The following TEX261 variants were observed in gnomAD, a reference collection of about 807,000 sequenced individuals.
TEX261 encodes the protein protein TEX261.
In TEX261, 13 loss-of-function variants were observed where a neutral mutation model predicts 25.1. The ratio of observed to expected loss-of-function variants is 0.52; its 90% CI spans 0.34 to 0.82. The LOEUF is 0.82. Ranked by LOEUF, TEX261 falls within the 40% of genes least tolerant of loss-of-function variation. TEX261 has a pLI of 0.02. For synonymous variants in TEX261, 92 were observed against 97.8 expected, an observed-to-expected ratio of 0.94 and a Z score of 0.35; for missense variants, 206 against 243.2, an observed-to-expected ratio of 0.85 and a Z score of 1.02.
rs11556871 is a variant in TEX261, at chr2:70,987,895, G to A, written c.*705C>T. 0.18 allele frequency: 27,377 copies of A among 152,462 alleles called. 2,605 individuals carry two copies. The highest frequency in any genetic ancestry group is 0.22 in the Middle Eastern group (65 of 294). 9.4% of individuals were successfully genotyped at this position (152,462 alleles called of 1,614,324 possible). On this transcript the variant is annotated 3_prime_UTR_variant, in exon 6 of 6. Coordinates refer to ENST00000272438, the MANE Select transcript of TEX261 (RefSeq NM_144582.3). ...GCCTTGGGGAAAGAGATGGAAGAGAGTGCATCAGAGAGGCTGCCTATAGCC... is the reference window on the plus strand; with the variant it reads ...GCCTTGGGGAAAGAGATGGAAGAGAATGCATCAGAGAGGCTGCCTATAGCC...
At chr2:70,991,788 C>T (rs1553425644) in intron 3 of TEX261, 42 bp downstream of exon 3, 1 of 1,604,214 alleles carries the variant, frequency 6.2e-7, no homozygotes, top group Non-Finnish European at 8.5e-7. Context: ...GATGGGCACA[C>T]CCAACCACAT....
rs1670185584 is a variant in TEX261, at chr2:70,986,360, A to G, written c.*2240T>C. The G allele has an allele frequency of 6.5e-6, 1 of 152,826 alleles. No individual in the cohort carries two copies. The highest frequency in any genetic ancestry group is 1.5e-5 in the Non-Finnish European group (1 of 68,178). The allele number at this position is 152,826 out of a possible 1,614,324, so 9.5% of individuals were successfully genotyped here. A position where few individuals can be genotyped will look rare whatever the true frequency, so the allele number is the denominator to read the frequency against. ...TCTCACAAGCCATGCTGAGGGGTCCAGACTTTATCCTGAGGGCAGCAGGGA... is the reference window on the plus strand; with the variant it reads ...TCTCACAAGCCATGCTGAGGGGTCCGGACTTTATCCTGAGGGCAGCAGGGA... On this transcript the variant is annotated 3_prime_UTR_variant, in exon 6 of 6. Transcript: ENST00000272438.
chr2:70,992,984 A>G (rs1437660400), intron 2 of TEX261, among the ~76,000 whole-genome samples: 1 of 152,198 alleles, frequency 6.6e-6, no homozygotes. Flanking sequence ...GCCAACACCC[A>G]CAAGCTGGGC....
At chr2:70,991,789 C>T in intron 3 of TEX261, 41 bp downstream of exon 3, 4 of 1,604,570 alleles carry the variant, frequency 2.5e-6, no homozygotes, top group Non-Finnish European at 3.4e-6. Context: ...ATGGGCACAC[C>T]CAACCACATC....
intron 1 of TEX261, 120 bp from the exon 2 acceptor site, chr2:70,993,895 C>A: frequency 1.3e-6 from 1 of 758,324 alleles, no homozygotes; most frequent in South Asian, 1.5e-5. Context: ...CAAGAACAAA[C>A]CAAACATCCC....
chr2:70,988,650 A>G lies in TEX261; in HGVS notation c.541T>C (p.Phe181Leu). Residue 181 changes from phenylalanine (F) to leucine (L), a missense_variant, in exon 6 of 6, where the codon TTC becomes CTC. Physicochemically the swap from Phe to Leu is conservative, Grantham distance 22 (BLOSUM62 0). Transcript: ENST00000272438. ...AGAATGGCCTCTTTGATGAAGGAGA[A>G]GACAACCAGGATCCCTAAGCGTTTG... ...RGKRLGILVV[F>L]SFIKEAILPS... 1 of 1,614,218 alleles carries G rather than the reference A, an allele frequency of 6.2e-7. No individual in the cohort carries two copies. The highest frequency in any genetic ancestry group is 8.5e-7 in the Non-Finnish European group (1 of 1,180,038).
chr2:70,994,649 G>C (rs1670372826), intron 1 of TEX261, 39 bp downstream of exon 1: 1 of 1,568,782 alleles, frequency 6.4e-7, no homozygotes, highest in African/African-American at 1.4e-5. Context: ...ACCGATGCCG[G>C]GGCGGGAGCC....
rs375881999 is a variant in TEX261 at position 70,994,000 on chromosome 2, A to C, written c.71-225T>G. Among the ~76,000 whole-genome samples the C allele has an allele frequency of 1.6e-4, 25 of 152,348 alleles. No individual in the cohort carries two copies. In the East Asian group the frequency reaches 4.2e-3, roughly 26 times the overall value. On this transcript the variant is annotated intron_variant, in intron 1 of 5. Transcript: ENST00000272438. ...TCAACGAAAGTCTGCATTTGATGCCACAGTACAATGATAACCTCTGGCTCA... is the reference window on the plus strand; with the variant it reads ...TCAACGAAAGTCTGCATTTGATGCCCCAGTACAATGATAACCTCTGGCTCA...
At chr2:70,989,903 G>T in intron 3 of TEX261, 87 bp from the exon 4 acceptor site, 1 of 983,488 alleles carries the variant, frequency 1.0e-6, no homozygotes, top group Non-Finnish European at 1.6e-6. Flanking sequence ...GAAGTTGGGA[G>T]CCTCCATGGA....
intron 2 of TEX261, among the ~76,000 whole-genome samples, chr2:70,992,614 A>G (rs78654883): frequency 0.24 from 36,659 of 151,860 alleles, 4,771 homozygotes; most frequent in Admixed American, 0.37. Flanking sequence ...CTATAATCCC[A>G]GCTACTCGGG....
chr2:70,993,051 G>A (rs1553425797), intron 2 of TEX261, among the ~76,000 whole-genome samples: 1 of 152,202 alleles, frequency 6.6e-6, no homozygotes, highest in Non-Finnish European at 1.5e-5. Context: ...CCCAACCTCA[G>A]CCATGCCCAG....
In TEX261 at chr2:70,991,814, C is replaced by T. The variant is rs1043343335; in HGVS notation, c.304+16G>A. 1.2e-6 allele frequency: 2 copies of T among 1,611,668 alleles called. No individual in the cohort carries two copies. Among genetic ancestry groups the T allele is most frequent in the African/African-American group, 1.3e-5 (1 of 74,962 alleles). On this transcript the variant is annotated intron_variant, in intron 3 of 5. Transcript: ENST00000272438. The stretch of plus-strand genomic sequence containing the variant: ...CCAACCACATCAGCTGCCTCCCCAA[C>T]TCTGTCCCCTCTCACCACACGACAG...
At chr2:70,992,460 T>C (rs1369320587) in intron 2 of TEX261, among the ~76,000 whole-genome samples, 1 of 150,604 alleles carries the variant, frequency 6.6e-6, no homozygotes, top group Non-Finnish European at 1.5e-5. Context: ...CCAGGCGAGG[T>C]GGCTCACGCC....
chr2:70,987,327 G>T lies in TEX261; in HGVS notation c.*1273C>A, dbSNP rs900725973. On this transcript the variant is annotated 3_prime_UTR_variant, in exon 6 of 6. Transcript: ENST00000272438. The stretch of plus-strand genomic sequence containing the variant: ...AATGCTAAAGCCAAGGAAATGAAGG[G>T]CTATGATGGAACTCCAGGCATGATA... The T allele has an allele frequency of 6.6e-6, 1 of 152,336 alleles. No individual in the cohort carries two copies. The highest frequency in any genetic ancestry group is 1.5e-5 in the Non-Finnish European group (1 of 68,060). The allele number at this position is 152,336 out of a possible 1,614,324, so 9.4% of individuals were successfully genotyped here. A position where few individuals can be genotyped will look rare whatever the true frequency, so the allele number is the denominator to read the frequency against.
chr2:70,994,429 A>G (rs4852240), intron 1 of TEX261: 69,592 of 547,052 alleles, frequency 0.13, 7,645 homozygotes, highest in African/African-American at 0.42. Context: ...CGGTCCGCAG[A>G]CGCGGGGGCG....
chr2:70,993,911 T>C (rs782502326), intron 1 of TEX261, 136 bp from the exon 2 acceptor site: 10 of 693,846 alleles, frequency 1.4e-5, no homozygotes, highest in African/African-American at 3.6e-5. Context: ...ATCCCATGTG[T>C]TGCCCTTCCA....
intron 1 of TEX261, 147 bp downstream of exon 1, chr2:70,994,541 G>A (rs1439343649): frequency 1.7e-6 from 2 of 1,185,704 alleles, no homozygotes; most frequent in African/African-American, 3.2e-5. Context: ...GGAGGGGCAG[G>A]ATCAGGCGGG....
Position 70,993,716 on chromosome 2 carries a change from T to A in TEX261, c.130A>T (p.Ile44Phe). ...IEEYTVATSR[I>F]IKYMIWFSTA... ...CTTACCCAGATCATGTATTTTATGA[T>A]CCTGCTGGTGGCCACTGTGTATTCT... Residue 44 changes from isoleucine (I) to phenylalanine (F), a missense_variant, in exon 2 of 6, where the codon ATC becomes TTC. Ile to Phe is a conservative substitution (Grantham distance 21). Coordinates refer to ENST00000272438, the MANE Select transcript of TEX261 (RefSeq NM_144582.3). 1 of 1,613,848 alleles carries A rather than the reference T, an allele frequency of 6.2e-7. No homozygotes were observed. The highest frequency in any genetic ancestry group is 1.7e-4 in the Middle Eastern group (1 of 5,814).
rs537771678 is a variant in TEX261, at chr2:70,991,203, T to C, written c.304+627A>G. Among the ~76,000 whole-genome samples the C allele has an allele frequency of 7.2e-5, 11 of 152,332 alleles. No individual in the cohort carries two copies. In the South Asian group the frequency reaches 2.1e-3, roughly 29 times the overall value. ...TCTCCCAATAGTTCTTTCAGAAACA[T>C]CCTCTCTGAATAGATGGAGAAGCTA... On this transcript the variant is annotated intron_variant, in intron 3 of 5. Coordinates refer to ENST00000272438, the MANE Select transcript of TEX261 (RefSeq NM_144582.3).
Sources: gnomAD v4.1 joint callset for allele counts (sites outside exome capture counted in the v4.1 genomes callset) on GRCh38, gnomAD v4.1.1 for gene constraint, MANE v1.5 for transcripts, NCBI Gene and HGNC (gene_info 2026-07-23, HGNC 2026-07-21) for gene names.